MSRA: variants seen among roughly 807,000 people sequenced by gnomAD.
The protein encoded by MSRA is mitochondrial peptide methionine sulfoxide reductase.
MSRA carries 54 observed loss-of-function variants against 31.3 expected under a neutral mutation model. The ratio of observed to expected loss-of-function variants is 1.73; its 90% CI spans 1.39 to 2.17. MSRA has a LOEUF of 2.17. Among genes scored for constraint, MSRA ranks in the 30% most tolerant of loss-of-function variants. MSRA has a pLI of 0.00. For missense variants in MSRA, 507 were observed against 300.9 expected (o/e 1.69, Z -5.07); for synonymous variants, 169 against 116.5 (o/e 1.45, Z -2.90).
chr8:10,345,453 C>T (rs1416587341), intron 5 of MSRA, among the ~76,000 whole-genome samples: 1 of 152,144 alleles, frequency 6.6e-6, no homozygotes, highest in Non-Finnish European at 1.5e-5. Context: ...ACCAAGCGAT[C>T]CAAGGGTCCA....
At chr8:10,411,026 A>G (rs1476873043) in intron 5 of MSRA, 2 of 152,030 alleles carry the variant, frequency 1.3e-5, no homozygotes, top group African/African-American at 2.4e-5. Context: ...TTTCAAAAAA[A>G]AAATCCTGAC....
intron 5 of MSRA, among the ~76,000 whole-genome samples, chr8:10,412,948 C>T (rs1306197458): frequency 6.6e-6 from 1 of 152,210 alleles, no homozygotes; most frequent in Non-Finnish European, 1.5e-5. Context: ...ATACTTCCAC[C>T]TACTGTGAGC....
chr8:10,128,419 C>A (rs567536235), intron 1 of MSRA, among the ~76,000 whole-genome samples: 1 of 152,052 alleles, frequency 6.6e-6, no homozygotes, highest in African/African-American at 2.4e-5. Context: ...CAGTGATGAT[C>A]AGATGTGAAC....
chr8:10,350,987 AC>A (rs77198675), intron 5 of MSRA, among the ~76,000 whole-genome samples: 21,643 of 152,014 alleles, frequency 0.14, 2,776 homozygotes, highest in East Asian at 0.7. Flanking sequence ...ACCCTCCAGA[AC>A]TCTTACTCCC....
chr8:10,132,865 T>A (rs1346309958), intron 1 of MSRA, among the ~76,000 whole-genome samples: 1 of 152,224 alleles, frequency 6.6e-6, no homozygotes, highest in Non-Finnish European at 1.5e-5. Flanking sequence ...TTTTGACTTG[T>A]CTAGATGGAC....
At chr8:10,058,328 C>A (rs1311858523) in intron 1 of MSRA, among the ~76,000 whole-genome samples, 3 of 151,964 alleles carry the variant, frequency 2.0e-5, no homozygotes, top group Non-Finnish European at 4.4e-5. Flanking sequence ...TACAAATATA[C>A]AAAATAAGTC....
At chr8:10,099,674 T>C (rs987613096) in intron 1 of MSRA, among the ~76,000 whole-genome samples, 7 of 152,224 alleles carry the variant, frequency 4.6e-5, no homozygotes, top group African/African-American at 1.7e-4. Context: ...GTGCTTTCTT[T>C]ATCTTGTTTC....
chr8:10,233,034 A>G (rs1811625936), intron 2 of MSRA, among the ~76,000 whole-genome samples: 1 of 152,212 alleles, frequency 6.6e-6, no homozygotes, highest in South Asian at 2.1e-4. Context: ...AGGTAAATTC[A>G]TTGTGTCTAT....
chr8:10,185,754 C>T (rs1023505659), intron 1 of MSRA, among the ~76,000 whole-genome samples: 1 of 152,222 alleles, frequency 6.6e-6, no homozygotes, highest in Non-Finnish European at 1.5e-5. Flanking sequence ...ACTCAGTCCT[C>T]TGGACCTTTG....
intron 3 of MSRA, among the ~76,000 whole-genome samples, chr8:10,252,045 G>T (rs1348662232): frequency 3.3e-5 from 5 of 152,226 alleles, no homozygotes; most frequent in African/African-American, 1.2e-4. Flanking sequence ...GCTGCTTGGA[G>T]AGGCCATTCA....
chr8:10,427,824 C>A (rs1468992199), intron 5 of MSRA, among the ~76,000 whole-genome samples: 1 of 152,296 alleles, frequency 6.6e-6, no homozygotes, highest in Non-Finnish European at 1.5e-5. Context: ...AGCTTTGGGG[C>A]CAGTTTCAAA....
chr8:10,270,035 G>A (rs569236799), intron 3 of MSRA, among the ~76,000 whole-genome samples: 220 of 152,332 alleles, frequency 1.4e-3, no homozygotes, highest in Non-Finnish European at 2.0e-3. Context: ...AGAAGATAAT[G>A]TGCAATGGAT....
chr8:10,330,020 G>GTGTC (rs1056136846), intron 5 of MSRA, among the ~76,000 whole-genome samples: 15 of 151,140 alleles, frequency 9.9e-5, no homozygotes, highest in Non-Finnish European at 2.1e-4. Context: ...GTGTGTGTGT[G>GTGTC]TGTGTGTGTG....
intron 1 of MSRA, among the ~76,000 whole-genome samples, chr8:10,205,387 G>A (rs1808871212): frequency 6.6e-6 from 1 of 152,136 alleles, no homozygotes; most frequent in Non-Finnish European, 1.5e-5. Context: ...TGAAGGAAGA[G>A]AAGGGATAAG....
chr8:10,063,151 T>G (rs550465271), intron 1 of MSRA, among the ~76,000 whole-genome samples: 9 of 152,142 alleles, frequency 5.9e-5, no homozygotes, highest in Non-Finnish European at 1.2e-4. Context: ...CCAACCTCTC[T>G]CAGTGGCACT....
chr8:10,146,808 A>G (rs749692476), intron 1 of MSRA, among the ~76,000 whole-genome samples: 1 of 152,128 alleles, frequency 6.6e-6, no homozygotes, highest in African/African-American at 2.4e-5. Context: ...CAGACGCTGG[A>G]CATAGCGTTC....
intron 3 of MSRA, among the ~76,000 whole-genome samples, chr8:10,245,495 G>C (rs539208370): frequency 1.8e-4 from 28 of 152,330 alleles, no homozygotes; most frequent in Admixed American, 1.7e-3. Flanking sequence ...TTGTAATTCT[G>C]ATGATCAGCA....
At chr8:10,154,962 G>T (rs1804019936) in intron 1 of MSRA, among the ~76,000 whole-genome samples, 1 of 128,908 alleles carries the variant, frequency 7.8e-6, no homozygotes, top group South Asian at 2.7e-4. Context: ...AAATTTAATG[G>T]GAAAGCTAAT....
intron 1 of MSRA, among the ~76,000 whole-genome samples, chr8:10,137,841 T>G (rs1457736355): frequency 1.3e-5 from 2 of 152,198 alleles, no homozygotes; most frequent in African/African-American, 4.8e-5. Flanking sequence ...ATCCCTTAAG[T>G]AAATACAAAG....
Sources: allele counts gnomAD v4.1 joint callset (sites outside exome capture counted in the v4.1 genomes callset), GRCh38; gene constraint gnomAD v4.1.1; transcripts MANE v1.5; gene names NCBI Gene and HGNC (gene_info 2026-07-23, HGNC 2026-07-21).